SLIT3: variants seen among roughly 807,000 people sequenced by gnomAD.
The protein encoded by SLIT3 is slit homolog 3 protein.
Under a neutral mutation model 184.0 loss-of-function variants are expected in SLIT3, and 68 were observed. The ratio of observed to expected loss-of-function variants is 0.37; its 90% CI spans 0.30 to 0.45. The LOEUF (loss-of-function observed/expected upper bound fraction) is 0.45, where lower values mean the gene tolerates loss of function less well. Ranked by LOEUF, SLIT3 falls within the 20% of genes least tolerant of loss-of-function variation. The pLI is 1.00. For synonymous variants in SLIT3, 831 were observed against 828.6 expected (o/e 1.00, Z -0.05); for missense variants, 1,707 against 2,026.0 (o/e 0.84, Z 3.02).
intron 4 of SLIT3, among the ~76,000 whole-genome samples, chr5:168,973,135 A>T (rs201941092): frequency 1.2e-4 from 18 of 151,116 alleles, no homozygotes; most frequent in African/African-American, 4.1e-4. Flanking sequence ...TGTTTCCATG[A>T]CAGCCATGAA....
chr5:168,939,686 T>C (rs1465941909), intron 4 of SLIT3, among the ~76,000 whole-genome samples: 2 of 152,248 alleles, frequency 1.3e-5, no homozygotes, highest in Non-Finnish European at 2.9e-5. Context: ...AGATGCTCTA[T>C]AATCAAGACT....
chr5:169,284,810 A>C (rs1290029724), intron 1 of SLIT3, among the ~76,000 whole-genome samples: 1 of 152,182 alleles, frequency 6.6e-6, no homozygotes, highest in Non-Finnish European at 1.5e-5. Context: ...TGCATTTACT[A>C]TCCTTAGTTC....
At chr5:168,975,275 T>C (rs145537486) in intron 4 of SLIT3, among the ~76,000 whole-genome samples, 149 of 152,290 alleles carry the variant, frequency 9.8e-4, no homozygotes, top group Non-Finnish European at 1.7e-3. Context: ...CTCCAGAGCA[T>C]GTGGTAGGGC....
chr5:169,006,630 C>A (rs562483864), intron 4 of SLIT3, among the ~76,000 whole-genome samples: 5 of 150,276 alleles, frequency 3.3e-5, no homozygotes, highest in South Asian at 2.1e-4. Flanking sequence ...CACACACACA[C>A]AACTCTCCAA....
chr5:168,750,750 T>A (rs1365890955), intron 18 of SLIT3, among the ~76,000 whole-genome samples: 2 of 152,064 alleles, frequency 1.3e-5, no homozygotes, highest in African/African-American at 4.8e-5. Flanking sequence ...TTCATTCGAT[T>A]CATTCCTTTA....
chr5:168,878,684 T>G (rs1224192691), intron 5 of SLIT3, among the ~76,000 whole-genome samples: 1 of 152,022 alleles, frequency 6.6e-6, no homozygotes, highest in African/African-American at 2.4e-5. Flanking sequence ...AAACTTAATT[T>G]TATGTGGAAA....
At chr5:169,033,810 A>ATTTTTTTT (rs568929106) in intron 4 of SLIT3, among the ~76,000 whole-genome samples, 3 of 116,146 alleles carry the variant, frequency 2.6e-5, no homozygotes, top group African/African-American at 6.7e-5. Flanking sequence ...CTATTGTATG[A>ATTTTTTTT]TTTTTTTTTT....
intron 4 of SLIT3, among the ~76,000 whole-genome samples, chr5:169,105,376 C>A (rs887313851): frequency 1.3e-5 from 2 of 152,128 alleles, no homozygotes; most frequent in Non-Finnish European, 2.9e-5. Context: ...CCTTTTAAAC[C>A]AACGAAATAC....
intron 28 of SLIT3, among the ~76,000 whole-genome samples, chr5:168,695,014 G>T (rs928258421): frequency 2.6e-5 from 4 of 152,196 alleles, no homozygotes; most frequent in Non-Finnish European, 5.9e-5. Context: ...TTCTCAGTTG[G>T]TGGTGGTACG....
At chr5:168,865,921 T>G (rs1464749657) in intron 5 of SLIT3, among the ~76,000 whole-genome samples, 3 of 152,198 alleles carry the variant, frequency 2.0e-5, no homozygotes, top group Non-Finnish European at 4.4e-5. Flanking sequence ...ACTAATAATA[T>G]ATTGGTTAGA....
chr5:168,879,159 G>A (rs868146663), intron 5 of SLIT3, among the ~76,000 whole-genome samples: 1 of 152,234 alleles, frequency 6.6e-6, no homozygotes, highest in Admixed American at 6.5e-5. Context: ...CCAACTGGTT[G>A]TCATTTTACA....
chr5:169,165,315 T>G (rs1215958497), intron 4 of SLIT3, among the ~76,000 whole-genome samples: 1 of 152,198 alleles, frequency 6.6e-6, no homozygotes, highest in Non-Finnish European at 1.5e-5. Flanking sequence ...AAAAGAGAGA[T>G]CCTATTGTAT....
chr5:168,830,739 CCA>C (rs1386475267), intron 6 of SLIT3, among the ~76,000 whole-genome samples: 2 of 152,226 alleles, frequency 1.3e-5, no homozygotes, highest in African/African-American at 4.8e-5. Context: ...GATCTCACAG[CCA>C]GAGGTGCGGA....
At chr5:169,146,005 C>T (rs1025830392) in intron 4 of SLIT3, among the ~76,000 whole-genome samples, 2 of 152,230 alleles carry the variant, frequency 1.3e-5, no homozygotes, top group East Asian at 3.9e-4. Context: ...GAGCCGAGAT[C>T]GCACCACTCC....
intron 29 of SLIT3, among the ~76,000 whole-genome samples, chr5:168,690,678 T>TA (rs751405938): frequency 3.3e-5 from 5 of 152,174 alleles, no homozygotes; most frequent in Non-Finnish European, 4.4e-5. Flanking sequence ...CTCACCCTTG[T>TA]ACTCAGGTAA....
chr5:168,926,666 A>G (rs916203457), intron 4 of SLIT3, among the ~76,000 whole-genome samples: 2 of 152,214 alleles, frequency 1.3e-5, no homozygotes, highest in African/African-American at 4.8e-5. Flanking sequence ...GCAACAACAA[A>G]ACAACATGAT....
intron 4 of SLIT3, among the ~76,000 whole-genome samples, chr5:168,937,206 G>A (rs76707531): frequency 0.012 from 1,760 of 152,178 alleles, 46 homozygotes; most frequent in African/African-American, 0.04. Flanking sequence ...GAGCACAGAG[G>A]CCAAGGGGTG....
chr5:169,244,072 A>G (rs991008984), intron 3 of SLIT3, among the ~76,000 whole-genome samples: 3 of 152,242 alleles, frequency 2.0e-5, no homozygotes, highest in African/African-American at 2.4e-5. Flanking sequence ...GGAGGCTCCA[A>G]CCATCTTCCA....
chr5:169,134,644 A>C (rs1025609197), intron 4 of SLIT3, among the ~76,000 whole-genome samples: 2 of 152,256 alleles, frequency 1.3e-5, no homozygotes, highest in African/African-American at 4.8e-5. Flanking sequence ...AGAAATACCT[A>C]ATGAAAATGT....
Sources: gnomAD v4.1 joint callset for allele counts (sites outside exome capture counted in the v4.1 genomes callset) on GRCh38, gnomAD v4.1.1 for gene constraint, MANE v1.5 for transcripts, NCBI Gene and HGNC (gene_info 2026-07-23, HGNC 2026-07-21) for gene names.